FNDC3B: variants seen among roughly 807,000 people sequenced by gnomAD.
FNDC3B encodes fibronectin type III domain-containing protein 3B.
FNDC3B carries 12 observed loss-of-function variants against 151.5 expected under a neutral mutation model. The ratio of observed to expected loss-of-function variants is 0.08; its 90% confidence interval spans 0.05 to 0.13. The LOEUF (loss-of-function observed/expected upper bound fraction) is 0.13. Ranked by LOEUF, FNDC3B falls within the 10% of genes least tolerant of loss-of-function variation. The probability of loss-of-function intolerance (pLI) is 1.00; values close to 1 mark genes in which losing one functional copy is unlikely to be tolerated. For missense variants in FNDC3B, 1,214 were observed against 1,505.3 expected (o/e 0.81, Z 3.20); for synonymous variants, 528 against 549.0 (o/e 0.96, Z 0.54).
chr3:172,105,531 A>T (rs894503661), intron 1 of FNDC3B, among the ~76,000 whole-genome samples: 3 of 151,844 alleles, frequency 2.0e-5, no homozygotes, highest in Non-Finnish European at 4.4e-5. Flanking sequence ...TCTGTGATTC[A>T]GTAAGTCAGA....
At chr3:172,111,913 A>G (rs2108539578) in intron 1 of FNDC3B, among the ~76,000 whole-genome samples, 1 of 152,232 alleles carries the variant, frequency 6.6e-6, no homozygotes, top group South Asian at 2.1e-4. Flanking sequence ...GTGTGTGTGT[A>G]TTTATATTTG....
intron 11 of FNDC3B, among the ~76,000 whole-genome samples, chr3:172,313,152 C>G (rs1210597064): frequency 1.3e-5 from 2 of 149,512 alleles, no homozygotes; most frequent in African/African-American, 2.6e-5. Flanking sequence ...TTAATCGACT[C>G]TCATCCACCA....
At chr3:172,074,934 G>C (rs1717939004) in intron 1 of FNDC3B, among the ~76,000 whole-genome samples, 2 of 152,178 alleles carry the variant, frequency 1.3e-5, no homozygotes, top group Non-Finnish European at 2.9e-5. Context: ...CTGTGTGATT[G>C]TATGTGTTTA....
intron 4 of FNDC3B, among the ~76,000 whole-genome samples, chr3:172,245,927 C>T (rs1874259): frequency 0.62 from 94,850 of 152,060 alleles, 31,662 homozygotes; most frequent in African/African-American, 0.89. Context: ...GTAAAGATTT[C>T]TGTTTTTTTA....
chr3:172,099,449 A>G (rs1271903923), intron 1 of FNDC3B, among the ~76,000 whole-genome samples: 1 of 152,144 alleles, frequency 6.6e-6, no homozygotes, highest in East Asian at 1.9e-4. Context: ...AAGAATGGCA[A>G]CACAATATTA....
chr3:172,231,771 AT>A (rs34882352), intron 4 of FNDC3B, among the ~76,000 whole-genome samples: 2 of 61,890 alleles, frequency 3.2e-5, no homozygotes, highest in Non-Finnish European at 5.5e-5. Context: ...TGTCCTGATG[AT>A]TTTTATTGCT....
intron 25 of FNDC3B, among the ~76,000 whole-genome samples, chr3:172,392,810 C>CTTTCTTT (rs1491505881): frequency 2.0e-5 from 2 of 99,870 alleles, no homozygotes; most frequent in African/African-American, 3.6e-5. Context: ...TTTTTTTTTT[C>CTTTCTTT]TTTTTTTTTT....
intron 23 of FNDC3B, among the ~76,000 whole-genome samples, chr3:172,371,973 T>C (rs1734903543): frequency 6.6e-6 from 1 of 152,248 alleles, no homozygotes; most frequent in African/African-American, 2.4e-5. Context: ...GAACATTTAA[T>C]AAGTGCTAGG....
chr3:172,204,112 C>T (rs866042249), intron 3 of FNDC3B, among the ~76,000 whole-genome samples: 1 of 152,202 alleles, frequency 6.6e-6, no homozygotes, highest in Non-Finnish European at 1.5e-5. Flanking sequence ...ATATTGCTGC[C>T]TCTGTGAGGC....
intron 13 of FNDC3B, among the ~76,000 whole-genome samples, chr3:172,331,214 C>T (rs1732639741): frequency 6.6e-6 from 1 of 152,182 alleles, no homozygotes; most frequent in Admixed American, 6.5e-5. Flanking sequence ...AGAATCCTTC[C>T]TGTCTCAGTG....
intron 3 of FNDC3B, among the ~76,000 whole-genome samples, chr3:172,222,397 T>C (rs372533030): frequency 4.9e-4 from 75 of 152,334 alleles, no homozygotes; most frequent in African/African-American, 1.7e-3. Flanking sequence ...TTCCAAACTT[T>C]ATTTGTAATT....
intron 16 of FNDC3B, among the ~76,000 whole-genome samples, chr3:172,339,789 T>C (rs1389661659): frequency 6.6e-6 from 1 of 152,102 alleles, no homozygotes; most frequent in African/African-American, 2.4e-5. Context: ...GCTGAGTGAG[T>C]GATTGAATCT....
chr3:172,342,704 T>C (rs1733387814), intron 17 of FNDC3B, among the ~76,000 whole-genome samples: 1 of 152,224 alleles, frequency 6.6e-6, no homozygotes, highest in Admixed American at 6.5e-5. Flanking sequence ...TTTCTAATTT[T>C]GATTTGAAGG....
chr3:172,395,680 A>G (rs908743844), intron 25 of FNDC3B, among the ~76,000 whole-genome samples: 3 of 152,220 alleles, frequency 2.0e-5, no homozygotes, highest in African/African-American at 4.8e-5. Context: ...CTCAACACAT[A>G]TATCTGGCTA....
chr3:172,294,609 T>A (rs1730498765), intron 7 of FNDC3B, among the ~76,000 whole-genome samples: 2 of 151,966 alleles, frequency 1.3e-5, no homozygotes, highest in Admixed American at 6.6e-5. Flanking sequence ...GGGACACAAA[T>A]CCAAACCGTA....
At chr3:172,110,752 T>A (rs546158334) in intron 1 of FNDC3B, among the ~76,000 whole-genome samples, 1 of 152,134 alleles carries the variant, frequency 6.6e-6, no homozygotes, top group East Asian at 1.9e-4. Context: ...TCTCCACCCT[T>A]AGATCCTTAT....
At chr3:172,290,604 G>T (rs1371450798) in intron 7 of FNDC3B, among the ~76,000 whole-genome samples, 5 of 152,110 alleles carry the variant, frequency 3.3e-5, no homozygotes, top group African/African-American at 1.2e-4. Flanking sequence ...TTCCATCCGC[G>T]AATGTTTAGC....
At chr3:172,320,983 T>TA (rs1011746165) in intron 11 of FNDC3B, among the ~76,000 whole-genome samples, 11 of 152,382 alleles carry the variant, frequency 7.2e-5, no homozygotes, top group African/African-American at 2.6e-4. Flanking sequence ...TTTTTAAACA[T>TA]ACTCTAAATA....
intron 20 of FNDC3B, 145 bp downstream of exon 20, chr3:172,346,585 C>A (rs1198743398): frequency 6.9e-6 from 3 of 433,730 alleles, no homozygotes; most frequent in Admixed American, 4.3e-5. Flanking sequence ...TAGTAATCAC[C>A]CTTGGCACTT....
Sources: gnomAD v4.1 joint callset for allele counts (sites outside exome capture counted in the v4.1 genomes callset) on GRCh38, gnomAD v4.1.1 for gene constraint, MANE v1.5 for transcripts, NCBI Gene and HGNC (gene_info 2026-07-23, HGNC 2026-07-21) for gene names.